The following UBE2E2 variants were observed in gnomAD, a reference collection of about 807,000 sequenced individuals.
UBE2E2 encodes the protein ubiquitin conjugating enzyme E2 E2.
Under a neutral mutation model 24.7 loss-of-function variants are expected in UBE2E2, and 6 were observed. That is an observed-to-expected ratio of 0.24 (90% confidence interval 0.13 to 0.48). UBE2E2 has a LOEUF of 0.48. Among genes scored for constraint, UBE2E2 ranks in the 20% least tolerant of loss-of-function variants. The pLI, the probability that UBE2E2 is intolerant of heterozygous loss-of-function variation, is 0.99. For missense variants in UBE2E2, 169 were observed against 245.0 expected (o/e 0.69, Z 2.07); for synonymous variants, 104 against 83.6 (o/e 1.24, Z -1.33).
intron 3 of UBE2E2, among the ~76,000 whole-genome samples, chr3:23,255,469 A>G (rs771086265): frequency 1.3e-5 from 2 of 152,142 alleles, no homozygotes; most frequent in Non-Finnish European, 2.9e-5. Context: ...GAAGTAAAAG[A>G]TACAGGCTTA....
intron 3 of UBE2E2, among the ~76,000 whole-genome samples, chr3:23,448,273 C>A (rs934646736): frequency 6.6e-6 from 1 of 152,156 alleles, no homozygotes; most frequent in East Asian, 1.9e-4. Flanking sequence ...TAGGTCAACT[C>A]CTGAAAGGCA....
intron 5 of UBE2E2, among the ~76,000 whole-genome samples, chr3:23,587,113 T>C (rs182165164): frequency 6.6e-6 from 1 of 152,114 alleles, no homozygotes; most frequent in Non-Finnish European, 1.5e-5. Flanking sequence ...GGAAAAAAAA[T>C]TTTTTAATCA....
chr3:23,483,766 A>G (rs1699304538), intron 3 of UBE2E2, among the ~76,000 whole-genome samples: 1 of 152,200 alleles, frequency 6.6e-6, no homozygotes. Flanking sequence ...CTAGTTGTTC[A>G]TTAGATTCTG....
At chr3:23,458,423 G>GGTGGTGGTGGTA in intron 3 of UBE2E2, among the ~76,000 whole-genome samples, 1 of 150,060 alleles carries the variant, frequency 6.7e-6, no homozygotes, top group Non-Finnish European at 1.5e-5. Flanking sequence ...TGGTGGTGGT[G>GGTGGTGGTGGTA]GTGGTTGTTG....
chr3:23,366,569 G>A (rs917716720), intron 3 of UBE2E2, among the ~76,000 whole-genome samples: 8 of 152,154 alleles, frequency 5.3e-5, no homozygotes, highest in African/African-American at 1.9e-4. Context: ...TAAACATTGA[G>A]TACACATGCA....
chr3:23,347,444 A>G (rs1033945806), intron 3 of UBE2E2, among the ~76,000 whole-genome samples: 1 of 152,176 alleles, frequency 6.6e-6, no homozygotes. Context: ...TAAGCAAACT[A>G]TCACAAGGAG....
intron 3 of UBE2E2, among the ~76,000 whole-genome samples, chr3:23,321,282 A>G (rs953785745): frequency 6.6e-6 from 1 of 152,192 alleles, no homozygotes; most frequent in African/African-American, 2.4e-5. Flanking sequence ...GGCTGGCACA[A>G]TTCAGTCCAT....
At chr3:23,294,581 CT>C (rs1388180457) in intron 3 of UBE2E2, among the ~76,000 whole-genome samples, 1 of 146,742 alleles carries the variant, frequency 6.8e-6, no homozygotes, top group Non-Finnish European at 1.5e-5. Context: ...AGATTTTTAT[CT>C]TTATTAGTTT....
At chr3:23,393,002 A>G (rs990111736) in intron 3 of UBE2E2, among the ~76,000 whole-genome samples, 3 of 152,178 alleles carry the variant, frequency 2.0e-5, no homozygotes, top group African/African-American at 7.2e-5. Flanking sequence ...ATGGAGGCCA[A>G]ATCTTACAGA....
chr3:23,298,361 G>C (rs1192316393), intron 3 of UBE2E2, among the ~76,000 whole-genome samples: 1 of 152,024 alleles, frequency 6.6e-6, no homozygotes, highest in South Asian at 2.1e-4. Context: ...TCCCTGTCTT[G>C]TGCCAGTTTT....
intron 5 of UBE2E2, among the ~76,000 whole-genome samples, chr3:23,571,280 C>CTTTTTTTTTTGTTTTTTTTTTTT (rs1696219144): frequency 3.3e-5 from 1 of 29,866 alleles, no homozygotes; most frequent in African/African-American, 1.0e-4. Flanking sequence ...GTGCTCCTTT[C>CTTTTTTTTTTGTTTTTTTTTTTT]TTTTTTTTTT....
chr3:23,273,818 G>T (rs182196248), intron 3 of UBE2E2: 5 of 152,534 alleles, frequency 3.3e-5, no homozygotes, highest in Admixed American at 3.3e-4. Context: ...GCTGGTTCAA[G>T]TGCAGTGTGG....
chr3:23,349,054 T>A (rs919209414), intron 3 of UBE2E2, among the ~76,000 whole-genome samples: 8 of 152,094 alleles, frequency 5.3e-5, no homozygotes, highest in African/African-American at 1.4e-4. Flanking sequence ...GAAATTGGCT[T>A]GGTTTCAAGA....
intron 4 of UBE2E2, among the ~76,000 whole-genome samples, chr3:23,501,923 C>G (rs1175874114): frequency 6.6e-6 from 1 of 151,722 alleles, no homozygotes; most frequent in East Asian, 1.9e-4. Context: ...AAAAAAAAAG[C>G]AAACTTTGGT....
At chr3:23,353,892 A>G (rs1156389830) in intron 3 of UBE2E2, among the ~76,000 whole-genome samples, 1 of 152,214 alleles carries the variant, frequency 6.6e-6, no homozygotes, top group Non-Finnish European at 1.5e-5. Context: ...ACTACTTTAA[A>G]GTTCATATGG....
At chr3:23,241,511 C>T (rs1304810437) in intron 3 of UBE2E2, among the ~76,000 whole-genome samples, 4 of 152,110 alleles carry the variant, frequency 2.6e-5, no homozygotes, top group African/African-American at 9.7e-5. Context: ...GCTGCCGCTA[C>T]GCTGGCCTCT....
At chr3:23,396,408 A>T (rs1400238863) in intron 3 of UBE2E2, among the ~76,000 whole-genome samples, 1 of 150,202 alleles carries the variant, frequency 6.7e-6, no homozygotes, top group African/African-American at 2.4e-5. Context: ...TATAGTATAT[A>T]TACGTGTACA....
chr3:23,336,648 G>A (rs1001682915), intron 3 of UBE2E2, among the ~76,000 whole-genome samples: 19 of 152,156 alleles, frequency 1.2e-4, no homozygotes, highest in Non-Finnish European at 2.4e-4. Flanking sequence ...TAGATATTGC[G>A]TATCTCAAAG....
chr3:23,478,393 G>T (rs1699184042), intron 3 of UBE2E2, among the ~76,000 whole-genome samples: 1 of 152,102 alleles, frequency 6.6e-6, no homozygotes, highest in Non-Finnish European at 1.5e-5. Flanking sequence ...GATCACCAAA[G>T]GAAATTTAAA....
Sources: gnomAD v4.1 joint callset for allele counts (sites outside exome capture counted in the v4.1 genomes callset) on GRCh38, gnomAD v4.1.1 for gene constraint, MANE v1.5 for transcripts, NCBI Gene and HGNC (gene_info 2026-07-23, HGNC 2026-07-21) for gene names.